The following COX10 variants were observed in gnomAD, a reference collection of about 807,000 sequenced individuals.
COX10 encodes the protein protoheme IX farnesyltransferase, mitochondrial.
Under a neutral mutation model 37.3 loss-of-function variants are expected in COX10, and 27 were observed. That is an observed-to-expected ratio of 0.72 (90% CI 0.53 to 1.00). The LOEUF is 1.00. Ranked by LOEUF, COX10 falls within the 50% of genes least tolerant of loss-of-function variation. COX10 has a pLI of 0.00. For missense variants in COX10, 475 were observed against 563.2 expected (o/e 0.84, Z 1.59); for synonymous variants, 222 against 229.1 (o/e 0.97, Z 0.28).
Position 14,102,198 on chromosome 17 carries a change from G to A in COX10, c.580G>A (p.Val194Ile). Residue 194 changes from valine (V) to isoleucine (I), a missense_variant, in exon 4 of 7, where the codon GTT becomes ATT. By Grantham distance (29) the Val-to-Ile change is conservative (BLOSUM62 3). Transcript: ENST00000261643. ...FDWPCFLLTS[V>I]GTGLASCAAN... ...CTGGCCCTGTTTCCTGCTTACTTCT[G>A]TTGGGACAGGCCTTGCATCCTGTGC... is the stretch of plus-strand genomic sequence containing the variant. 6.2e-7 allele frequency: 1 copy of A among 1,613,724 alleles called. No homozygotes were observed. The highest frequency in any genetic ancestry group is 1.3e-5 in the African/African-American group (1 of 75,000).
At position 14,128,498 on chromosome 17, in the gene COX10, A is replaced by G. The variant is rs927978827; in HGVS notation, c.624+26256A>G. ...TCCAGACAGAAAGTAACTATTCTCAAATATTCATTTAGTCATAATAAACAA... is the reference window on the plus strand; with the variant it reads ...TCCAGACAGAAAGTAACTATTCTCAGATATTCATTTAGTCATAATAAACAA... On this transcript the variant is annotated intron_variant, in intron 4 of 6. Transcript: ENST00000261643. Among the ~76,000 whole-genome samples the G allele has an allele frequency of 2.6e-5, 4 of 152,162 alleles. No homozygotes were observed. In the South Asian group the frequency reaches 8.3e-4, roughly 32 times the overall value.
intron 5 of COX10, among the ~76,000 whole-genome samples, chr17:14,170,294 T>C (rs1229721039): frequency 2.0e-5 from 3 of 152,234 alleles, no homozygotes; most frequent in African/African-American, 7.2e-5. Flanking sequence ...AATCTCTTAA[T>C]ATAAAGTTAG....
At chr17:14,100,655 G>T (rs1273042540) in intron 3 of COX10, among the ~76,000 whole-genome samples, 7 of 152,192 alleles carry the variant, frequency 4.6e-5, no homozygotes, top group African/African-American at 1.7e-4. Context: ...GAGCTAAAGA[G>T]AAGTGTGAGA....
intron 3 of COX10, among the ~76,000 whole-genome samples, chr17:14,090,122 C>T (rs1320749539): frequency 1.3e-5 from 2 of 151,932 alleles, no homozygotes; most frequent in African/African-American, 4.8e-5. Flanking sequence ...CAAGTCCAAG[C>T]AGATCTCCCT....
At chr17:14,191,956 A>G in intron 5 of COX10, 33 bp from the exon 6 acceptor site, 1 of 1,606,644 alleles carries the variant, frequency 6.2e-7, no homozygotes. Context: ...TGAGTTGGAG[A>G]TGATCACTCC....
rs181186782 is a variant in COX10 at position 14,147,936 on chromosome 17, A to T, written c.625-11941A>T. Among the ~76,000 whole-genome samples the T allele has an allele frequency of 4.6e-5, 7 of 151,846 alleles. No homozygotes were observed. In the East Asian group the frequency reaches 1.4e-3, roughly 29 times the overall value. Reference sequence around the variant, plus strand: ...TTTCTCCTTCCATCTTTTTTCAGAAAGCATTGCTTGCAAACTGAGATCTCT... The same window carrying T: ...TTTCTCCTTCCATCTTTTTTCAGAATGCATTGCTTGCAAACTGAGATCTCT... On this transcript the variant is annotated intron_variant, in intron 4 of 6. Transcript: ENST00000261643.
At position 14,069,625 on chromosome 17, in the gene COX10, C is replaced by G. The variant is rs756920451; in HGVS notation, c.20C>G (p.Thr7Ser). Residue 7 changes from threonine (T) to serine (S), a missense_variant, in exon 1 of 7, where the codon ACT becomes AGT. Physicochemically the swap from Thr to Ser is moderately conservative, Grantham distance 58. Transcript: ENST00000261643. The part of the protein sequence containing the change: MAASPH[T>S]LSSRLLTGCV... Reference sequence around the variant, plus strand: ...TAAATTATGGCCGCATCTCCGCACACTCTCTCCTCACGCCTCCTGACAGGT... The same window carrying G: ...TAAATTATGGCCGCATCTCCGCACAGTCTCTCCTCACGCCTCCTGACAGGT... 1.4e-5 allele frequency: 22 copies of G among 1,614,016 alleles called. No homozygotes were observed. Among genetic ancestry groups the G allele is most frequent in the East Asian group, 2.2e-5 (1 of 44,882 alleles).
At chr17:14,141,665 TA>T (rs1441605947) in intron 4 of COX10, among the ~76,000 whole-genome samples, 1 of 152,136 alleles carries the variant, frequency 6.6e-6, no homozygotes, top group Non-Finnish European at 1.5e-5. Context: ...TCAGATGATT[TA>T]GCATTACAGA....
intron 4 of COX10, among the ~76,000 whole-genome samples, chr17:14,123,499 G>A (rs1229940360): frequency 1.3e-5 from 2 of 152,178 alleles, no homozygotes; most frequent in Non-Finnish European, 2.9e-5. Flanking sequence ...TTTTTCCAGC[G>A]TAGATAAAGT....
chr17:14,151,201 T>A (rs1034495521), intron 4 of COX10, among the ~76,000 whole-genome samples: 1 of 152,190 alleles, frequency 6.6e-6, no homozygotes, highest in African/African-American at 2.4e-5. Flanking sequence ...ACCAATGCAG[T>A]AAGCCTAACT....
intron 1 of COX10, among the ~76,000 whole-genome samples, chr17:14,071,638 C>T (rs909661956): frequency 6.7e-6 from 1 of 150,148 alleles, no homozygotes; most frequent in African/African-American, 2.5e-5. Flanking sequence ...AATCCCAGAA[C>T]TTTGGGAGGC....
rs1915099208 is a variant in COX10 at position 14,074,457 on chromosome 17, G to A, written c.177+1G>A. 2 of 1,610,280 alleles carry A rather than the reference G, an allele frequency of 1.2e-6. No homozygotes were observed. Among genetic ancestry groups the A allele is most frequent in the Admixed American group, 1.7e-5 (1 of 59,388 alleles). On this transcript the variant is annotated splice_donor_variant, in intron 2 of 6. Coordinates refer to ENST00000261643, the MANE Select transcript of COX10 (RefSeq NM_001303.4). LOFTEE classifies it high-confidence loss of function. The stretch of plus-strand genomic sequence containing the variant: ...GCACTTTAGCTTCCTCAAACGCATG[G>A]TATGTTTAGAAGACCATTCTTACTC...
intron 5 of COX10, among the ~76,000 whole-genome samples, chr17:14,184,805 C>T (rs1597541631): frequency 1.3e-5 from 2 of 151,576 alleles, no homozygotes; most frequent in East Asian, 1.9e-4. Context: ...GTTGGCTCAG[C>T]GTATGTAGCT....
At chr17:14,180,498 C>T (rs1292569371) in intron 5 of COX10, among the ~76,000 whole-genome samples, 1 of 152,174 alleles carries the variant, frequency 6.6e-6, no homozygotes, top group African/African-American at 2.4e-5. Context: ...CTGAAAGTTA[C>T]ACTCCTTTCT....
intron 4 of COX10, among the ~76,000 whole-genome samples, chr17:14,138,223 T>C (rs1018269163): frequency 1.5e-4 from 23 of 152,134 alleles, no homozygotes; most frequent in African/African-American, 4.8e-4. Context: ...GAATCTGATA[T>C]TTTCTCTTAA....
chr17:14,160,064 G>A (rs1014866611), intron 5 of COX10, 117 bp downstream of exon 5: 5 of 880,222 alleles, frequency 5.7e-6, no homozygotes, highest in Admixed American at 4.1e-5. Flanking sequence ...TACCCACAAA[G>A]AAACAAAGTG....
intron 5 of COX10, among the ~76,000 whole-genome samples, chr17:14,188,061 C>T (rs1193398581): frequency 6.6e-6 from 1 of 151,588 alleles, no homozygotes; most frequent in Admixed American, 6.6e-5. Flanking sequence ...ATCCAACTGG[C>T]CTCCACAGAA....
rs2142273345 is a variant in COX10 at position 14,206,953 on chromosome 17, C to CT, written c.1073dup (p.Arg359AlafsTer106). On this transcript the variant is annotated frameshift_variant, in exon 7 of 7. Coordinates refer to ENST00000261643, the MANE Select transcript of COX10 (RefSeq NM_001303.4). LOFTEE classifies it high-confidence loss of function. The stretch of plus-strand genomic sequence containing the variant: ...CCCGGGCCTGTGCCGGCGCGTGGCG[C>CT]TGCGCCACTGCCTGGCCCTGCTCGT... The CT allele has an allele frequency of 6.2e-7, 1 of 1,613,940 alleles. No individual in the cohort carries two copies. Among genetic ancestry groups the CT allele is most frequent in the East Asian group, 2.2e-5 (1 of 44,862 alleles).
intron 5 of COX10, among the ~76,000 whole-genome samples, chr17:14,178,381 G>T (rs547792507): frequency 1.9e-5 from 2 of 107,810 alleles, no homozygotes; most frequent in African/African-American, 5.3e-5. Context: ...TCTGTCTTAT[G>T]GTCTTCCGTG....
Sources: gnomAD v4.1 joint callset for allele counts (sites outside exome capture counted in the v4.1 genomes callset) on GRCh38, gnomAD v4.1.1 for gene constraint, MANE v1.5 for transcripts, NCBI Gene and HGNC (gene_info 2026-07-23, HGNC 2026-07-21) for gene names.